Variants in CPNE5 observed in about 807,000 individuals in gnomAD.
CPNE5 encodes copine-5.
CPNE5 carries 42 observed loss-of-function variants against 81.1 expected under a neutral mutation model. That is an observed-to-expected ratio of 0.52 (90% CI 0.40 to 0.67). The LOEUF (loss-of-function observed/expected upper bound fraction) is 0.67. Ranked by LOEUF, CPNE5 falls within the 30% of genes least tolerant of loss-of-function variation. CPNE5 has a pLI of 0.00. For missense variants in CPNE5, 612 were observed against 815.5 expected, an observed-to-expected ratio of 0.75 and a Z score of 3.04; for synonymous variants, 313 against 321.5, an observed-to-expected ratio of 0.97 and a Z score of 0.28.
At chr6:36,796,050 G>A (rs1769539698) in intron 6 of CPNE5, among the ~76,000 whole-genome samples, 1 of 152,168 alleles carries the variant, frequency 6.6e-6, no homozygotes, top group South Asian at 2.1e-4. Context: ...CTGGGTTCAA[G>A]CGATTCTCCT....
chr6:36,795,544 A>G (rs1004426419), intron 6 of CPNE5, among the ~76,000 whole-genome samples: 1 of 152,144 alleles, frequency 6.6e-6, no homozygotes, highest in African/African-American at 2.4e-5. Flanking sequence ...CCCTAATCCA[A>G]TGGCTGGTGT....
chr6:36,813,416 A>G (rs557292270), intron 3 of CPNE5, among the ~76,000 whole-genome samples: 3 of 152,306 alleles, frequency 2.0e-5, no homozygotes, highest in African/African-American at 7.2e-5. Flanking sequence ...CTGTAGTCCC[A>G]GCTACTTGGG....
intron 1 of CPNE5, among the ~76,000 whole-genome samples, chr6:36,838,424 C>T (rs893209631): frequency 6.6e-6 from 1 of 152,204 alleles, no homozygotes; most frequent in South Asian, 2.1e-4. Context: ...GAAAAATCCC[C>T]CTTTGCCACC....
intron 14 of CPNE5, among the ~76,000 whole-genome samples, chr6:36,751,951 G>T (rs13193217): frequency 6.6e-6 from 1 of 151,786 alleles, no homozygotes. Flanking sequence ...GTGCAAAGGC[G>T]GGGTCTGGAG....
intron 12 of CPNE5, among the ~76,000 whole-genome samples, chr6:36,757,905 G>T (rs1006500485): frequency 2.0e-4 from 31 of 152,200 alleles, no homozygotes; most frequent in Non-Finnish European, 4.1e-4. Flanking sequence ...GGAAGAGTAA[G>T]CTGGGCTGGT....
At chr6:36,756,032 A>C in intron 13 of CPNE5, 1 of 563,468 alleles carries the variant, frequency 1.8e-6, no homozygotes, top group Non-Finnish European at 3.1e-6. Flanking sequence ...CATGCTAGAT[A>C]CAGCCAGCGC....
rs1269901720 is a variant in CPNE5, at chr6:36,756,275, C to A, written c.879G>T (p.Met293Ile). The A allele has an allele frequency of 1.9e-6, 3 of 1,613,754 alleles. No individual in the cohort carries two copies. Among genetic ancestry groups the A allele is most frequent in the Admixed American group, 1.7e-5 (1 of 59,972 alleles). Residue 293 changes from methionine (M) to isoleucine (I), a missense_variant, in exon 13 of 21, where the codon ATG (methionine) becomes ATT (isoleucine). Transcript: ENST00000244751. ...CAGAATTCACGTATTTCTTTTTCTT[C>A]ATTTTCTTTTTCGGGTTTACCACCT... ...IYEVVNPKKK[M>I]KKKKYVNSGT... is the part of the protein sequence containing the mutation.
chr6:36,758,700 G>A (rs1159732934), intron 12 of CPNE5, among the ~76,000 whole-genome samples: 2 of 152,192 alleles, frequency 1.3e-5, no homozygotes, highest in Non-Finnish European at 2.9e-5. Flanking sequence ...TGGGCCCTGG[G>A]CGTGGCTATA....
chr6:36,742,767 A>T, intron 20 of CPNE5: 1 of 985,442 alleles, frequency 1.0e-6, no homozygotes, highest in Non-Finnish European at 1.2e-6. Context: ...CCACCTCGGC[A>T]CTAAGCACAG....
chr6:36,793,662 C>T (rs1212369563), intron 7 of CPNE5, among the ~76,000 whole-genome samples: 1 of 152,174 alleles, frequency 6.6e-6, no homozygotes, highest in Admixed American at 6.5e-5. Context: ...GCTGCCTCCC[C>T]AGTTGCTGCT....
rs1767333952 is a variant in CPNE5, at chr6:36,774,614, G to A, written c.737+347C>T. On this transcript the variant is annotated intron_variant, in intron 10 of 20. Coordinates refer to ENST00000244751, the MANE Select transcript of CPNE5 (RefSeq NM_020939.2). ...GCTGAACTCCAGGCCTGGGCACCCG[G>A]GACACCCATCTGGGTTTCCCTGGAA... Among the ~76,000 whole-genome samples, 4 of 152,218 alleles carry A rather than the reference G, an allele frequency of 2.6e-5. No individual in the cohort carries two copies. The South Asian group carries it at 8.3e-4, about 32-fold the overall frequency.
chr6:36,785,232 G>A (rs1350563954), intron 8 of CPNE5, among the ~76,000 whole-genome samples: 1 of 152,100 alleles, frequency 6.6e-6, no homozygotes, highest in Admixed American at 6.6e-5. Flanking sequence ...CCTGAAGAGG[G>A]CTGTGAAGGT....
intron 14 of CPNE5, among the ~76,000 whole-genome samples, chr6:36,750,751 CT>C (rs761197452): frequency 2.6e-5 from 4 of 152,190 alleles, no homozygotes; most frequent in Non-Finnish European, 4.4e-5. Flanking sequence ...CCCAGGGCCA[CT>C]CTTGGGAAGA....
intron 3 of CPNE5, among the ~76,000 whole-genome samples, chr6:36,802,892 A>C (rs977770659): frequency 6.6e-6 from 1 of 152,200 alleles, no homozygotes; most frequent in Non-Finnish European, 1.5e-5. Flanking sequence ...TCTATTTAAA[A>C]AAAAATAAAA....
chr6:36,759,694 C>T (rs929456352), intron 12 of CPNE5, among the ~76,000 whole-genome samples: 1 of 152,050 alleles, frequency 6.6e-6, no homozygotes, highest in African/African-American at 2.4e-5. Flanking sequence ...AGGAGGAACA[C>T]CCACAGGGAG....
At chr6:36,819,360 A>G (rs1323616475) in intron 3 of CPNE5, among the ~76,000 whole-genome samples, 4 of 152,182 alleles carry the variant, frequency 2.6e-5, no homozygotes, top group Non-Finnish European at 4.4e-5. Flanking sequence ...TCTGCCTCCC[A>G]CAGTGCTGGG....
intron 1 of CPNE5, among the ~76,000 whole-genome samples, chr6:36,831,204 A>G (rs1772958640): frequency 1.3e-5 from 2 of 151,162 alleles, no homozygotes; most frequent in Non-Finnish European, 2.9e-5. Flanking sequence ...ACAGGCACAT[A>G]CCACCACACC....
intron 10 of CPNE5, among the ~76,000 whole-genome samples, chr6:36,770,731 G>A (rs955399663): frequency 2.0e-5 from 3 of 152,092 alleles, no homozygotes; most frequent in African/African-American, 4.8e-5. Flanking sequence ...CTGCTTTAGC[G>A]GTGCCTGGTC....
rs773753997 is a variant in CPNE5, at chr6:36,839,365, C to T, written c.13G>A (p.Glu5Lys). The T allele has an allele frequency of 3.7e-5, 57 of 1,549,258 alleles. No individual in the cohort carries two copies. The highest frequency in any genetic ancestry group is 1.7e-4 in the Middle Eastern group (1 of 6,004). Residue 5 changes from glutamate to lysine, a missense_variant, in exon 1 of 21, where the codon GAG becomes AAG. Coordinates refer to ENST00000244751, the MANE Select transcript of CPNE5 (RefSeq NM_020939.2). The surrounding 1 kb of genome is among the most constrained non-coding windows in gnomAD (Gnocchi z 7.3). Reference sequence around the variant, plus strand: ...AACTCGCTCAGCGACGCCATGTCCTCAGGCTGCTCCATCGCCCACCGCACC... The same window carrying T: ...AACTCGCTCAGCGACGCCATGTCCTTAGGCTGCTCCATCGCCCACCGCACC... MEQP[E>K]DMASLSEFDS... is the part of the protein sequence containing the mutation.
Sources: allele counts gnomAD v4.1 joint callset (sites outside exome capture counted in the v4.1 genomes callset), GRCh38; gene constraint gnomAD v4.1.1; non-coding constraint Gnocchi (gnomAD v3.1); transcripts MANE v1.5; gene names NCBI Gene and HGNC (gene_info 2026-07-23, HGNC 2026-07-21).